The following TSPAN12 variants were observed in gnomAD, a reference collection of about 807,000 sequenced individuals.
TSPAN12 encodes tetraspanin-12.
TSPAN12 carries 19 observed loss-of-function variants against 39.2 expected under a neutral mutation model. The observed-to-expected ratio is 0.49, with a 90% CI of 0.34 to 0.71. The LOEUF (loss-of-function observed/expected upper bound fraction) is 0.71. TSPAN12 is among the 30% of genes least tolerant of loss of function. The pLI is 0.01. For missense variants in TSPAN12, 314 were observed against 359.9 expected (o/e 0.87, Z 1.03); for synonymous variants, 119 against 124.8 (o/e 0.95, Z 0.31).
At chr7:120,827,860 G>A (rs1449712703) in intron 4 of TSPAN12, among the ~76,000 whole-genome samples, 3 of 152,114 alleles carry the variant, frequency 2.0e-5, no homozygotes, top group African/African-American at 4.8e-5. Flanking sequence ...CTGAAAAATC[G>A]CTGCAGCGTT....
At chr7:120,806,941 C>T (rs2116349790) in intron 6 of TSPAN12, among the ~76,000 whole-genome samples, 1 of 152,192 alleles carries the variant, frequency 6.6e-6, no homozygotes, top group Non-Finnish European at 1.5e-5. Context: ...ATGACTGAGA[C>T]TCACTCCCTA....
intron 7 of TSPAN12, among the ~76,000 whole-genome samples, chr7:120,792,052 C>G (rs577349648): frequency 1.1e-4 from 17 of 152,230 alleles, no homozygotes; most frequent in Admixed American, 3.9e-4. Context: ...ATCTGAGGAG[C>G]GTTTATTCAC....
intron 6 of TSPAN12, among the ~76,000 whole-genome samples, chr7:120,809,007 T>C (rs759437052): frequency 1.1e-4 from 17 of 150,828 alleles, no homozygotes; most frequent in African/African-American, 2.4e-4. Flanking sequence ...ATGGAAGACA[T>C]AGTGAAGACA....
intron 6 of TSPAN12, 56 bp downstream of exon 6, chr7:120,810,407 G>C: frequency 1.8e-6 from 2 of 1,102,348 alleles, no homozygotes; most frequent in Non-Finnish European, 2.8e-6. Context: ...TAAACATCTG[G>C]TTTGAAGGTG....
intron 2 of TSPAN12, 118 bp from the exon 3 acceptor site, chr7:120,840,227 G>A (rs1562951429): frequency 1.2e-6 from 1 of 831,874 alleles, no homozygotes; most frequent in Non-Finnish European, 2.1e-6. Context: ...ACCATTTGCT[G>A]CATCTTGAAA....
intron 2 of TSPAN12, among the ~76,000 whole-genome samples, chr7:120,841,913 T>C (rs576817977): frequency 1.3e-5 from 2 of 152,214 alleles, no homozygotes; most frequent in Non-Finnish European, 2.9e-5. Context: ...GAAGTCTTCC[T>C]GGGAAGCTTT....
At chr7:120,791,463 C>G (rs958428501) in intron 7 of TSPAN12, among the ~76,000 whole-genome samples, 2 of 152,098 alleles carry the variant, frequency 1.3e-5, no homozygotes, top group African/African-American at 4.8e-5. Flanking sequence ...AAAAAGTAAG[C>G]CATTCAATAA....
chr7:120,791,596 G>A (rs923379012), intron 7 of TSPAN12, among the ~76,000 whole-genome samples: 1 of 152,006 alleles, frequency 6.6e-6, no homozygotes, highest in African/African-American at 2.4e-5. Flanking sequence ...TACCTCTTTA[G>A]ACTAATTCAT....
At chr7:120,805,921 A>G (rs558946021) in intron 7 of TSPAN12, among the ~76,000 whole-genome samples, 9 of 152,264 alleles carry the variant, frequency 5.9e-5, no homozygotes, top group African/African-American at 1.4e-4. Flanking sequence ...GTAAAAATGA[A>G]TGAATAGGAA....
chr7:120,835,213 A>G (rs1794454591), intron 4 of TSPAN12, among the ~76,000 whole-genome samples: 1 of 152,174 alleles, frequency 6.6e-6, no homozygotes, highest in African/African-American at 2.4e-5. Flanking sequence ...AAAAGTTGGG[A>G]AAAGTCTATT....
chr7:120,788,041 T>C lies in TSPAN12; in HGVS notation c.*551A>G, dbSNP rs1210363699. 2 of 163,358 alleles carry C rather than the reference T, an allele frequency of 1.2e-5. No individual in the cohort carries two copies. The highest frequency in any genetic ancestry group is 4.8e-5 in the African/African-American group (2 of 41,528). The allele number at this position is 163,358 out of a possible 1,614,324, so 10.1% of individuals were successfully genotyped here. ...AGCTTAAGACAATGTGTTAGCTTGC[T>C]CTTTTAAGTGGTAAGAATATTTTAG... On this transcript the variant is annotated 3_prime_UTR_variant, in exon 8 of 8. Transcript: ENST00000222747.
intron 4 of TSPAN12, among the ~76,000 whole-genome samples, chr7:120,837,351 G>A (rs1212982978): frequency 6.9e-5 from 10 of 145,690 alleles, no homozygotes; most frequent in African/African-American, 2.3e-4. Context: ...TTGCTCTGTC[G>A]CCCAGGCTGG....
chr7:120,822,352 C>T (rs1465485082), intron 4 of TSPAN12, among the ~76,000 whole-genome samples: 1 of 151,902 alleles, frequency 6.6e-6, no homozygotes, highest in Non-Finnish European at 1.5e-5. Context: ...CCTAGGATTT[C>T]CCCCTAAAGA....
chr7:120,830,826 T>A (rs1320750198), intron 4 of TSPAN12, among the ~76,000 whole-genome samples: 1 of 151,974 alleles, frequency 6.6e-6, no homozygotes, highest in South Asian at 2.1e-4. Context: ...AGCTTCTGCA[T>A]AGCAAAAGAA....
At chr7:120,826,924 C>T (rs545005289) in intron 4 of TSPAN12, among the ~76,000 whole-genome samples, 139 of 152,110 alleles carry the variant, frequency 9.1e-4, no homozygotes, top group Admixed American at 3.7e-3. Context: ...GGTTTTACCA[C>T]GTTGGCCAGG....
intron 2 of TSPAN12, among the ~76,000 whole-genome samples, chr7:120,847,032 G>A (rs1039993444): frequency 1.3e-5 from 2 of 152,060 alleles, no homozygotes; most frequent in South Asian, 4.1e-4. Flanking sequence ...GAGACTGCAT[G>A]GAGTCTTGGA....
At chr7:120,812,591 A>AC (rs1794003243) in intron 5 of TSPAN12, among the ~76,000 whole-genome samples, 1 of 152,152 alleles carries the variant, frequency 6.6e-6, no homozygotes, top group Non-Finnish European at 1.5e-5. Flanking sequence ...TTCTTTGTTA[A>AC]CTTTTTTTTT....
chr7:120,852,923 G>A (rs1196114159), intron 2 of TSPAN12, among the ~76,000 whole-genome samples: 2 of 152,160 alleles, frequency 1.3e-5, no homozygotes, highest in African/African-American at 4.8e-5. Context: ...CTAGATGAGA[G>A]TAATGTTAAC....
At chr7:120,856,594 T>C (rs1794874159) in intron 2 of TSPAN12, 104 bp downstream of exon 2, 2 of 1,145,806 alleles carry the variant, frequency 1.7e-6, no homozygotes, top group South Asian at 1.3e-5. Context: ...TGTTATCCCA[T>C]GTAATTAATT....
Sources: allele counts gnomAD v4.1 joint callset (sites outside exome capture counted in the v4.1 genomes callset), GRCh38; gene constraint gnomAD v4.1.1; transcripts MANE v1.5; gene names NCBI Gene and HGNC (gene_info 2026-07-23, HGNC 2026-07-21).